Variants in FARSB observed in about 807,000 individuals in gnomAD.
The protein encoded by FARSB is phenylalanine--tRNA ligase beta subunit.
A neutral mutation model predicts 69.6 loss-of-function variants in FARSB; 40 were observed. That is an observed-to-expected ratio of 0.57 (90% CI 0.45 to 0.75). The LOEUF (loss-of-function observed/expected upper bound fraction) is 0.75. Ranked by LOEUF, FARSB falls within the 30% of genes least tolerant of loss-of-function variation. The pLI, the probability that FARSB is intolerant of heterozygous loss-of-function variation, is 0.00. For synonymous variants in FARSB, 235 were observed against 247.2 expected (o/e 0.95, Z 0.46); for missense variants, 632 against 722.9 (o/e 0.87, Z 1.44).
intron 10 of FARSB, among the ~76,000 whole-genome samples, chr2:222,628,010 A>G (rs546356059): frequency 1.6e-4 from 25 of 152,370 alleles, no homozygotes; most frequent in African/African-American, 5.8e-4. Context: ...CCACCCAAGA[A>G]TAATACTGGT....
At chr2:222,589,352 A>T (rs1379853334) in intron 16 of FARSB, among the ~76,000 whole-genome samples, 1 of 152,198 alleles carries the variant, frequency 6.6e-6, no homozygotes, top group Non-Finnish European at 1.5e-5. Context: ...CACCTTATAC[A>T]AAAATTAATT....
At chr2:222,623,261 A>C (rs886852000) in intron 13 of FARSB, among the ~76,000 whole-genome samples, 2 of 152,232 alleles carry the variant, frequency 1.3e-5, no homozygotes, top group African/African-American at 4.8e-5. Context: ...AAATTAATTT[A>C]ATGTGGAACA....
intron 14 of FARSB, among the ~76,000 whole-genome samples, 189 bp downstream of exon 14, chr2:222,619,456 T>C (rs572729982): frequency 6.6e-6 from 1 of 152,236 alleles, no homozygotes; most frequent in Admixed American, 6.5e-5. Flanking sequence ...AAGAAGATAT[T>C]ATTTTTAAAA....
At chr2:222,653,143 A>C (rs1379166880) in intron 1 of FARSB, among the ~76,000 whole-genome samples, 1 of 152,228 alleles carries the variant, frequency 6.6e-6, no homozygotes, top group African/African-American at 2.4e-5. Flanking sequence ...CAAGAAAAGG[A>C]GTGGCAAGAG....
intron 1 of FARSB, among the ~76,000 whole-genome samples, chr2:222,655,595 A>G (rs967348230): frequency 1.0e-3 from 153 of 152,348 alleles, no homozygotes; most frequent in African/African-American, 3.5e-3. Context: ...AAACGAAGAC[A>G]GGTGGAATGC....
At chr2:222,631,985 T>C (rs1370764765) in intron 7 of FARSB, among the ~76,000 whole-genome samples, 1 of 152,074 alleles carries the variant, frequency 6.6e-6, no homozygotes, top group Non-Finnish European at 1.5e-5. Context: ...GGCAGGAGAA[T>C]TGCTTGAACC....
chr2:222,572,774 G>GT (rs1312889877), intron 16 of FARSB, among the ~76,000 whole-genome samples: 2 of 152,208 alleles, frequency 1.3e-5, no homozygotes, highest in Non-Finnish European at 2.9e-5. Flanking sequence ...TACCAAGGCA[G>GT]TAACAGTTCT....
chr2:222,605,414 A>C (rs1690680155), intron 15 of FARSB, among the ~76,000 whole-genome samples: 1 of 152,168 alleles, frequency 6.6e-6, no homozygotes, highest in African/African-American at 2.4e-5. Flanking sequence ...CCCAACAGTA[A>C]TACTACCATT....
At chr2:222,596,512 A>G (rs913386291) in intron 16 of FARSB, among the ~76,000 whole-genome samples, 1 of 152,226 alleles carries the variant, frequency 6.6e-6, no homozygotes, top group Non-Finnish European at 1.5e-5. Flanking sequence ...CTGCAAAGCC[A>G]CTAGAGATTT....
chr2:222,573,746 C>G (rs765002729), intron 16 of FARSB, among the ~76,000 whole-genome samples: 2 of 152,162 alleles, frequency 1.3e-5, no homozygotes, highest in Admixed American at 6.5e-5. Flanking sequence ...CACCCCTATA[C>G]AGAGCTAGAC....
chr2:222,649,234 T>TAAAAAAAAAA (rs71961708), intron 1 of FARSB, among the ~76,000 whole-genome samples: 25 of 88,292 alleles, frequency 2.8e-4, no homozygotes, highest in Admixed American at 9.6e-4. Context: ...CTCAAAAAAT[T>TAAAAAAAAAA]AAAAAAAAAA....
intron 5 of FARSB, among the ~76,000 whole-genome samples, chr2:222,637,787 C>G (rs1691622587): frequency 1.3e-5 from 2 of 151,960 alleles, no homozygotes; most frequent in African/African-American, 2.4e-5. Context: ...ATAAGGCCAG[C>G]CTGGACAATA....
chr2:222,608,264 A>G (rs2106205265), intron 15 of FARSB, among the ~76,000 whole-genome samples: 1 of 152,342 alleles, frequency 6.6e-6, no homozygotes, highest in South Asian at 2.1e-4. Context: ...CACATTCCAC[A>G]TGTGGACGCT....
chr2:222,633,152 A>T (rs1019906423), intron 7 of FARSB, 47 bp downstream of exon 7: 3 of 938,688 alleles, frequency 3.2e-6, no homozygotes, highest in Non-Finnish European at 5.3e-6. Flanking sequence ...AATGCTGAAG[A>T]TTAAAAGGAA....
intron 15 of FARSB, among the ~76,000 whole-genome samples, chr2:222,600,945 T>G (rs1339662867): frequency 6.6e-6 from 1 of 152,190 alleles, no homozygotes; most frequent in Admixed American, 6.5e-5. Context: ...AAAAGCAGAA[T>G]ACTAAAGTTT....
Position 222,599,985 on chromosome 2 carries a change from A to T in FARSB, c.1561T>A (p.Leu521Met), listed in dbSNP as rs752762676. 4 of 1,611,834 alleles carry T rather than the reference A, an allele frequency of 2.5e-6. No homozygotes were observed. Among genetic ancestry groups the T allele is most frequent in the Non-Finnish European group, 3.4e-6 (4 of 1,179,488 alleles). ...IHGLLDRIMQ[L>M]LDVPPGEDKG... ...TCTTCACCAGGAGGCACATCGAGCAACTGCATAATTCTGTCCAGCAGCCCA... is the reference window on the plus strand; with the variant it reads ...TCTTCACCAGGAGGCACATCGAGCATCTGCATAATTCTGTCCAGCAGCCCA... Residue 521 changes from leucine to methionine, a missense_variant, in exon 16 of 17, where the codon TTG (leucine) becomes ATG (methionine). Coordinates refer to ENST00000281828, the MANE Select transcript of FARSB (RefSeq NM_005687.5).
intron 15 of FARSB, among the ~76,000 whole-genome samples, chr2:222,601,183 T>C (rs1377769368): frequency 6.6e-6 from 1 of 152,232 alleles, no homozygotes; most frequent in East Asian, 1.9e-4. Flanking sequence ...TGAAAAGTTC[T>C]AGAGACCCAC....
intron 5 of FARSB, among the ~76,000 whole-genome samples, chr2:222,638,391 AC>A: frequency 6.6e-6 from 1 of 152,372 alleles, no homozygotes; most frequent in East Asian, 1.9e-4. Flanking sequence ...CTTAAAATAA[AC>A]AGATAATAGA....
intron 16 of FARSB, among the ~76,000 whole-genome samples, chr2:222,580,204 G>A (rs953253233): frequency 1.3e-5 from 2 of 151,784 alleles, no homozygotes; most frequent in Non-Finnish European, 2.9e-5. Flanking sequence ...TTGTATTCAC[G>A]TGTCTAAAGA....
Sources: gnomAD v4.1 joint callset for allele counts (sites outside exome capture counted in the v4.1 genomes callset) on GRCh38, gnomAD v4.1.1 for gene constraint, MANE v1.5 for transcripts, NCBI Gene and HGNC (gene_info 2026-07-23, HGNC 2026-07-21) for gene names.